Variants in ADORA2B observed in about 807,000 individuals in gnomAD.
ADORA2B encodes adenosine A2b receptor.
In ADORA2B, 18 loss-of-function variants were observed where a neutral mutation model predicts 20.8. The ratio of observed to expected loss-of-function variants is 0.87; its 90% CI spans 0.60 to 1.29. The LOEUF (loss-of-function observed/expected upper bound fraction) is 1.29, where lower values mean the gene tolerates loss of function less well. Ranked by LOEUF, ADORA2B falls within the 50% of genes most tolerant of loss-of-function variation. The pLI is 0.00. For synonymous variants in ADORA2B, 179 were observed against 178.3 expected (o/e 1.00, Z -0.03); for missense variants, 441 against 422.7 (o/e 1.04, Z -0.38).
the ADORA2B span, among the ~76,000 whole-genome samples, chr17:15,923,894 G>GT: frequency 4.6e-4 from 70 of 151,782 alleles, 1 homozygote; most frequent in African/African-American, 1.2e-3. Context: ...TTGCAGCTTT[G>GT]TTTTTTTTGT....
chr17:15,867,090 A>T, the ADORA2B span, among the ~76,000 whole-genome samples: 1 of 152,142 alleles, frequency 6.6e-6, no homozygotes, highest in African/African-American at 2.4e-5. Flanking sequence ...CTCAGTGCTC[A>T]ATGGTGCCCA....
chr17:15,881,396 C>T, the ADORA2B span, among the ~76,000 whole-genome samples: 7 of 152,306 alleles, frequency 4.6e-5, no homozygotes, highest in African/African-American at 7.2e-5. Flanking sequence ...CCACCACGCC[C>T]GGCCTCTTTA....
chr17:15,892,283 C>T, the ADORA2B span, among the ~76,000 whole-genome samples: 1 of 152,140 alleles, frequency 6.6e-6, no homozygotes, highest in East Asian at 1.9e-4. Flanking sequence ...ATTCTCCTGC[C>T]TCAGCCTTCT....
the ADORA2B span, among the ~76,000 whole-genome samples, chr17:15,937,404 G>A: frequency 6.6e-6 from 1 of 152,064 alleles, no homozygotes; most frequent in South Asian, 2.1e-4. Flanking sequence ...GTGTGTTGGG[G>A]TACACTTTCA....
At chr17:15,918,616 C>T in the ADORA2B span, among the ~76,000 whole-genome samples, 3 of 152,266 alleles carry the variant, frequency 2.0e-5, no homozygotes, top group Non-Finnish European at 2.9e-5. Context: ...GGATTACAGG[C>T]GAGTGCCACC....
the ADORA2B span, among the ~76,000 whole-genome samples, chr17:15,931,298 G>T: frequency 6.6e-6 from 1 of 152,176 alleles, no homozygotes; most frequent in Non-Finnish European, 1.5e-5. Context: ...CTAAATCCAA[G>T]GTCACCCTGA....
chr17:15,872,955 A>G, the ADORA2B span, among the ~76,000 whole-genome samples: 1 of 152,172 alleles, frequency 6.6e-6, no homozygotes, highest in Non-Finnish European at 1.5e-5. Flanking sequence ...AGGATTGGTG[A>G]AAGTGGGCAT....
At chr17:15,855,104 T>G in the ADORA2B span, among the ~76,000 whole-genome samples, 8 of 151,546 alleles carry the variant, frequency 5.3e-5, no homozygotes, top group Non-Finnish European at 7.4e-5. Context: ...TAATTCTATA[T>G]TTTTTTAGTA....
At chr17:15,954,199 GA>G (rs1969940573) in intron 1 of ADORA2B, among the ~76,000 whole-genome samples, 1 of 152,068 alleles carries the variant, frequency 6.6e-6, no homozygotes, top group Admixed American at 6.5e-5. Context: ...GGCTGGTCTC[GA>G]ACTCCTGACC....
At chr17:15,900,807 A>G in the ADORA2B span, among the ~76,000 whole-genome samples, 1 of 152,118 alleles carries the variant, frequency 6.6e-6, no homozygotes, top group African/African-American at 2.4e-5. Context: ...TTTAAAAGTG[A>G]AGTTCTGCAG....
chr17:15,931,181 A>C, the ADORA2B span, among the ~76,000 whole-genome samples: 1 of 152,168 alleles, frequency 6.6e-6, no homozygotes, highest in South Asian at 2.1e-4. Flanking sequence ...CCACACAGAT[A>C]GGAAAGAAAA....
Position 15,970,101 on chromosome 17 carries a change from C to T in ADORA2B, c.336-4578C>T, listed in dbSNP as rs1255957130. On this transcript the variant is annotated intron_variant, in intron 1 of 1. Coordinates refer to ENST00000304222, the MANE Select transcript of ADORA2B (RefSeq NM_000676.4). ...CAGTTCATTTTGGTATAGCGGAACC[C>T]GTCGCAATTCATAACTTCGTATTTA... Among the ~76,000 whole-genome samples, 8 of 152,214 alleles carry T rather than the reference C, an allele frequency of 5.3e-5. No individual in the cohort carries two copies. The East Asian group carries it at 1.2e-3, about 22-fold the overall frequency.
chr17:15,930,576 G>T, the ADORA2B span, among the ~76,000 whole-genome samples: 2 of 152,158 alleles, frequency 1.3e-5, no homozygotes, highest in Admixed American at 6.5e-5. Context: ...GATTACAGAC[G>T]TGAGCCACCG....
At chr17:15,874,603 A>C in the ADORA2B span, among the ~76,000 whole-genome samples, 1 of 151,988 alleles carries the variant, frequency 6.6e-6, no homozygotes, top group African/African-American at 2.4e-5. Flanking sequence ...AAAGATGGAG[A>C]ATGACTTGAG....
At chr17:15,928,484 T>G in the ADORA2B span, among the ~76,000 whole-genome samples, 2 of 152,032 alleles carry the variant, frequency 1.3e-5, no homozygotes, top group South Asian at 4.2e-4. Flanking sequence ...GGCTGGCGGC[T>G]GAGGCGTGTC....
At position 15,975,234 on chromosome 17, in the gene ADORA2B, C is replaced by T; in HGVS notation, c.891C>T (p.Phe297=). 6.2e-7 allele frequency: 1 copy of T among 1,614,018 alleles called. No individual in the cohort carries two copies. The highest frequency in any genetic ancestry group is 2.2e-5 in the East Asian group (1 of 44,884). The change falls in exon 2 of 2, where the codon TTC becomes TTT. Residue 297 remains phenylalanine, a synonymous_variant. Transcript: ENST00000304222. ...TCTATGCTTACCGGAACCGAGACTT[C>T]CGCTACACTTTTCACAAAATTATCT... ...PIVYAYRNRD[F]RYTFHKIISR... is the part of the protein sequence containing the mutation.
chr17:15,857,691 C>A, the ADORA2B span, among the ~76,000 whole-genome samples: 1 of 151,854 alleles, frequency 6.6e-6, no homozygotes, highest in Non-Finnish European at 1.5e-5. Flanking sequence ...TGCCTGGGGC[C>A]TGTGGCTTCT....
chr17:15,860,173 T>C, the ADORA2B span, among the ~76,000 whole-genome samples: 2 of 151,878 alleles, frequency 1.3e-5, no homozygotes, highest in Non-Finnish European at 2.9e-5. Flanking sequence ...CCCCTTAGAG[T>C]TGTGAGCCCT....
chr17:15,945,163 A>G lies in ADORA2B; in HGVS notation c.-86A>G. On this transcript the variant is annotated 5_prime_UTR_variant, in exon 1 of 2. The change abolishes an upstream ATG in the 5' untranslated region. Transcript: ENST00000304222. ...CAGGCGGAGGCGCGGTCCGGGCGCT[A>G]TGGCCATGCCCGGCGGGTCTCACGC... is the stretch of plus-strand genomic sequence containing the variant. 8.5e-7 allele frequency: 1 copy of G among 1,181,026 alleles called. No homozygotes were observed. The highest frequency in any genetic ancestry group is 1.1e-6 in the Non-Finnish European group (1 of 914,544). 73.2% of individuals were successfully genotyped at this position (1,181,026 alleles called of 1,614,324 possible).
Sources: allele counts gnomAD v4.1 joint callset (sites outside exome capture counted in the v4.1 genomes callset), GRCh38; gene constraint gnomAD v4.1.1; transcripts MANE v1.5; gene names NCBI Gene and HGNC (gene_info 2026-07-23, HGNC 2026-07-21).